The following CAMK1D variants were observed in gnomAD, a reference collection of about 807,000 sequenced individuals.
The protein encoded by CAMK1D is calcium/calmodulin-dependent protein kinase type 1D.
Under a neutral mutation model 47.7 loss-of-function variants are expected in CAMK1D, and 9 were observed. The observed-to-expected ratio is 0.19, with a 90% CI of 0.11 to 0.33. The LOEUF (loss-of-function observed/expected upper bound fraction) is 0.33. Among genes scored for constraint, CAMK1D ranks in the 10% least tolerant of loss-of-function variants. The pLI is 1.00. For missense variants in CAMK1D, 291 were observed against 488.7 expected (o/e 0.60, Z 3.81); for synonymous variants, 184 against 184.9 (o/e 0.99, Z 0.04).
chr10:12,374,191 C>T (rs956326913), intron 1 of CAMK1D, among the ~76,000 whole-genome samples: 3 of 130,884 alleles, frequency 2.3e-5, no homozygotes, highest in Admixed American at 9.2e-5. Context: ...ACCCAGGAGG[C>T]GGAAGTTGCA....
chr10:12,665,770 C>T (rs1840409197), intron 2 of CAMK1D, among the ~76,000 whole-genome samples: 1 of 152,228 alleles, frequency 6.6e-6, no homozygotes, highest in Non-Finnish European at 1.5e-5. Context: ...TGAGTTAGAA[C>T]TTGGTTATTC....
chr10:12,355,288 G>T lies in CAMK1D; in HGVS notation c.92+5378G>T, dbSNP rs1397601027. 2.0e-5 allele frequency among the ~76,000 whole-genome samples: 3 copies of T among 152,062 alleles called. No homozygotes were observed. In the East Asian group the frequency reaches 5.8e-4, roughly 29 times the overall value. On this transcript the variant is annotated intron_variant, in intron 1 of 10. Coordinates refer to ENST00000619168, the MANE Select transcript of CAMK1D (RefSeq NM_153498.4). Reference sequence around the variant, plus strand: ...TGCTGCTTTAGGAAGACTATAAATAGAAACTTCCGTGGGTCAAGCACCGTC... The same window carrying T: ...TGCTGCTTTAGGAAGACTATAAATATAAACTTCCGTGGGTCAAGCACCGTC...
chr10:12,470,868 C>T (rs918802915), intron 1 of CAMK1D, among the ~76,000 whole-genome samples: 1 of 152,074 alleles, frequency 6.6e-6, no homozygotes, highest in Non-Finnish European at 1.5e-5. Context: ...TGCTTATGGC[C>T]CAGTGTACTG....
chr10:12,627,162 A>G (rs1216409952), intron 2 of CAMK1D, among the ~76,000 whole-genome samples: 1 of 150,200 alleles, frequency 6.7e-6, no homozygotes, highest in Non-Finnish European at 1.5e-5. Flanking sequence ...GCTCACTGCA[A>G]GCTCCGCCTC....
chr10:12,748,245 C>T (rs1286179864), intron 3 of CAMK1D, among the ~76,000 whole-genome samples: 2 of 152,132 alleles, frequency 1.3e-5, no homozygotes, highest in Non-Finnish European at 2.9e-5. Context: ...AGAATAGTCT[C>T]AATAAGAAAT....
chr10:12,550,008 G>C (rs767710342), intron 1 of CAMK1D, among the ~76,000 whole-genome samples: 1 of 152,162 alleles, frequency 6.6e-6, no homozygotes, highest in African/African-American at 2.4e-5. Context: ...TGCGTTGGCC[G>C]TGGTCATTTC....
chr10:12,588,475 A>T (rs935752478), intron 2 of CAMK1D, among the ~76,000 whole-genome samples: 8 of 152,176 alleles, frequency 5.3e-5, no homozygotes, highest in African/African-American at 1.9e-4. Flanking sequence ...GGGATTTGTG[A>T]CAAATAGGGA....
At chr10:12,744,970 T>A (rs1324580929) in intron 3 of CAMK1D, among the ~76,000 whole-genome samples, 1 of 152,182 alleles carries the variant, frequency 6.6e-6, no homozygotes, top group Non-Finnish European at 1.5e-5. Context: ...CTTCATTCCT[T>A]GTGCTCAGGT....
At chr10:12,387,418 T>A (rs79032736) in intron 1 of CAMK1D, among the ~76,000 whole-genome samples, 9,110 of 35,722 alleles carry the variant, frequency 0.26, 578 homozygotes, top group South Asian at 0.41. Context: ...TATATATATT[T>A]TATATATTTT....
chr10:12,565,172 C>G (rs1264322529), intron 2 of CAMK1D, among the ~76,000 whole-genome samples: 14 of 152,222 alleles, frequency 9.2e-5, no homozygotes, highest in Non-Finnish European at 1.9e-4. Flanking sequence ...GACTGTGCCA[C>G]TGCACTTCAG....
At chr10:12,689,008 G>T (rs1266665514) in intron 3 of CAMK1D, among the ~76,000 whole-genome samples, 1 of 152,230 alleles carries the variant, frequency 6.6e-6, no homozygotes, top group Non-Finnish European at 1.5e-5. Flanking sequence ...TTGAGAAGGT[G>T]ATTCAGGCTT....
chr10:12,534,513 T>C (rs1376472742), intron 1 of CAMK1D, among the ~76,000 whole-genome samples: 1 of 152,158 alleles, frequency 6.6e-6, no homozygotes, highest in African/African-American at 2.4e-5. Context: ...ATTACATGCA[T>C]GTGCCACCAC....
intron 1 of CAMK1D, among the ~76,000 whole-genome samples, chr10:12,421,371 G>A (rs919376607): frequency 3.6e-4 from 54 of 152,074 alleles, no homozygotes; most frequent in African/African-American, 1.2e-3. Flanking sequence ...ATGATGTCCC[G>A]GAGCTTCAAA....
intron 1 of CAMK1D, among the ~76,000 whole-genome samples, chr10:12,551,663 G>A (rs1261806937): frequency 2.6e-5 from 4 of 151,464 alleles, no homozygotes; most frequent in African/African-American, 9.7e-5. Context: ...GCTTGAACCT[G>A]AGAGGCAGAG....
chr10:12,517,442 C>T (rs1835245775), intron 1 of CAMK1D, among the ~76,000 whole-genome samples: 2 of 152,276 alleles, frequency 1.3e-5, no homozygotes, highest in South Asian at 4.1e-4. Context: ...CCTTCTTTGC[C>T]TTATTCTTGA....
At chr10:12,584,255 A>T (rs45538831) in intron 2 of CAMK1D, among the ~76,000 whole-genome samples, 1 of 152,190 alleles carries the variant, frequency 6.6e-6, no homozygotes, top group Non-Finnish European at 1.5e-5. Flanking sequence ...ATTAAGGATA[A>T]GTAAAATGTG....
At chr10:12,383,652 G>C (rs1290225973) in intron 1 of CAMK1D, among the ~76,000 whole-genome samples, 4 of 152,132 alleles carry the variant, frequency 2.6e-5, no homozygotes, top group Non-Finnish European at 5.9e-5. Context: ...GTTGTGTATT[G>C]GGAAATAAGC....
At chr10:12,620,216 A>AAAAAAT (rs1838957210) in intron 2 of CAMK1D, among the ~76,000 whole-genome samples, 2 of 129,894 alleles carry the variant, frequency 1.5e-5, no homozygotes, top group South Asian at 2.4e-4. Context: ...AAAAAAAAAA[A>AAAAAAT]AATAAAGCTG....
At chr10:12,639,471 CAAGACTCT>C (rs141153755) in intron 2 of CAMK1D, among the ~76,000 whole-genome samples, 1,983 of 152,214 alleles carry the variant, frequency 0.013, 47 homozygotes, top group African/African-American at 0.045. Flanking sequence ...GGCGACAGAG[CAAGACTCT>C]GTCTCAAAAC....
Sources: gnomAD v4.1 joint callset for allele counts (sites outside exome capture counted in the v4.1 genomes callset) on GRCh38, gnomAD v4.1.1 for gene constraint, MANE v1.5 for transcripts, NCBI Gene and HGNC (gene_info 2026-07-23, HGNC 2026-07-21) for gene names.